Variants in LRRC4C observed in about 807,000 individuals in gnomAD.
The protein encoded by LRRC4C is leucine-rich repeat-containing protein 4C.
LRRC4C carries 5 observed loss-of-function variants against 33.6 expected under a neutral mutation model. That is an observed-to-expected ratio of 0.15 (90% CI 0.08 to 0.31). The LOEUF (loss-of-function observed/expected upper bound fraction) is 0.31. Among genes scored for constraint, LRRC4C ranks in the 10% least tolerant of loss-of-function variants. LRRC4C has a pLI of 1.00. For missense variants in LRRC4C, 560 were observed against 796.7 expected (o/e 0.70, Z 3.58); for synonymous variants, 329 against 302.0 (o/e 1.09, Z -0.93).
At chr11:41,424,713 G>A (rs1009298544) in intron 1 of LRRC4C, among the ~76,000 whole-genome samples, 7 of 152,174 alleles carry the variant, frequency 4.6e-5, no homozygotes, top group Admixed American at 1.3e-4. Context: ...GGTTAATCAG[G>A]TAGTAATATA....
chr11:40,159,665 A>C (rs1858995599), intron 5 of LRRC4C, among the ~76,000 whole-genome samples: 1 of 152,170 alleles, frequency 6.6e-6, no homozygotes, highest in Admixed American at 6.6e-5. Context: ...AATCATTCTA[A>C]ATTAATTTGA....
intron 1 of LRRC4C, among the ~76,000 whole-genome samples, chr11:41,055,021 G>A (rs529653921): frequency 8.6e-4 from 131 of 152,246 alleles, no homozygotes; most frequent in East Asian, 7.7e-3. Flanking sequence ...GAACACTTCC[G>A]TGTAACTGCC....
chr11:40,480,783 A>G (rs889964447), intron 3 of LRRC4C, among the ~76,000 whole-genome samples: 3 of 152,114 alleles, frequency 2.0e-5, no homozygotes, highest in Non-Finnish European at 4.4e-5. Context: ...ATTTAAAACA[A>G]CATGGATGGA....
intron 2 of LRRC4C, among the ~76,000 whole-genome samples, chr11:40,886,279 C>T (rs985737443): frequency 2.0e-5 from 3 of 151,762 alleles, no homozygotes; most frequent in Admixed American, 6.6e-5. Context: ...TAGAAAAACC[C>T]AGTTAAGTAG....
At chr11:40,440,780 G>T in intron 3 of LRRC4C, among the ~76,000 whole-genome samples, 1 of 151,886 alleles carries the variant, frequency 6.6e-6, no homozygotes, top group East Asian at 1.9e-4. Flanking sequence ...CCTGTACAAC[G>T]CAGCCAACAG....
chr11:40,492,769 C>G (rs1241803486), intron 3 of LRRC4C, among the ~76,000 whole-genome samples: 1 of 152,036 alleles, frequency 6.6e-6, no homozygotes, highest in Non-Finnish European at 1.5e-5. Flanking sequence ...TTACCTATGC[C>G]TCACCTGCAA....
At chr11:40,713,791 C>G (rs1946580580) in intron 2 of LRRC4C, among the ~76,000 whole-genome samples, 1 of 152,066 alleles carries the variant, frequency 6.6e-6, no homozygotes, top group Non-Finnish European at 1.5e-5. Context: ...TATAGAATTA[C>G]TGTAATTTAT....
chr11:40,453,915 A>T (rs1192223370), intron 3 of LRRC4C, among the ~76,000 whole-genome samples: 40 of 152,216 alleles, frequency 2.6e-4, no homozygotes, highest in Admixed American at 2.6e-3. Flanking sequence ...CCATTGAGTT[A>T]CACATTTTAA....
At chr11:41,087,275 G>T (rs1270364128) in intron 1 of LRRC4C, among the ~76,000 whole-genome samples, 1 of 151,948 alleles carries the variant, frequency 6.6e-6, no homozygotes, top group Non-Finnish European at 1.5e-5. Context: ...GAACATCTGG[G>T]CTAGCTCAAT....
chr11:40,249,623 C>T (rs1866619171), intron 4 of LRRC4C, among the ~76,000 whole-genome samples: 1 of 151,002 alleles, frequency 6.6e-6, no homozygotes, highest in Non-Finnish European at 1.5e-5. Context: ...TGCGTATACA[C>T]ATGCCCACAC....
At chr11:40,915,826 C>T (rs1347276828) in intron 2 of LRRC4C, among the ~76,000 whole-genome samples, 1 of 151,954 alleles carries the variant, frequency 6.6e-6, no homozygotes, top group African/African-American at 2.4e-5. Flanking sequence ...CCAGAATCTA[C>T]AATGAACTCA....
intron 1 of LRRC4C, among the ~76,000 whole-genome samples, chr11:41,361,653 A>G (rs1294881321): frequency 6.6e-6 from 1 of 152,242 alleles, no homozygotes; most frequent in Non-Finnish European, 1.5e-5. Flanking sequence ...ATGCATAGCT[A>G]AAATATATGG....
chr11:41,216,111 G>A (rs1471097883), intron 1 of LRRC4C, among the ~76,000 whole-genome samples: 1 of 152,196 alleles, frequency 6.6e-6, no homozygotes, highest in Non-Finnish European at 1.5e-5. Context: ...AAATGTCTGA[G>A]CTATGACATT....
intron 2 of LRRC4C, among the ~76,000 whole-genome samples, chr11:40,705,464 T>C (rs540650155): frequency 2.0e-5 from 3 of 152,056 alleles, no homozygotes; most frequent in South Asian, 2.1e-4. Context: ...GTGTTTGGTT[T>C]TCTGTCCTTG....
intron 5 of LRRC4C, among the ~76,000 whole-genome samples, chr11:40,208,432 C>A (rs1255516318): frequency 6.6e-6 from 1 of 152,098 alleles, no homozygotes; most frequent in Non-Finnish European, 1.5e-5. Flanking sequence ...AACTGAATAT[C>A]CTGGATTGGT....
At chr11:41,157,616 T>C (rs1216879335) in intron 1 of LRRC4C, among the ~76,000 whole-genome samples, 2 of 152,152 alleles carry the variant, frequency 1.3e-5, no homozygotes, top group African/African-American at 4.8e-5. Flanking sequence ...AATTTCTGTT[T>C]ATCACATCAG....
intron 1 of LRRC4C, among the ~76,000 whole-genome samples, chr11:40,987,365 T>G (rs1234888076): frequency 2.0e-5 from 3 of 152,112 alleles, no homozygotes; most frequent in African/African-American, 7.2e-5. Flanking sequence ...AACTGAGAGT[T>G]TAATAACTTG....
At chr11:40,352,732 A>T (rs1192975309) in intron 3 of LRRC4C, among the ~76,000 whole-genome samples, 2 of 152,080 alleles carry the variant, frequency 1.3e-5, no homozygotes, top group Non-Finnish European at 2.9e-5. Context: ...TTCAGATTGG[A>T]GAACTCCCTT....
chr11:41,370,833 G>A lies in LRRC4C; in HGVS notation c.-496+88598C>T, dbSNP rs140407608. Among the ~76,000 whole-genome samples, 488 of 152,166 alleles carry A rather than the reference G, an allele frequency of 3.2e-3. 3 individuals are homozygous for A. Among genetic ancestry groups the A allele is most frequent in the African/African-American group, 0.011 (450 of 41,496 alleles). ...TAGGATTATAGGCATGAGCTACCAC[G>A]CTTGGCCCACGTTATTTAAATGAAA... On this transcript the variant is annotated intron_variant, in intron 1 of 6. Coordinates refer to ENST00000528697, the MANE Select transcript of LRRC4C (RefSeq NM_001258419.2).
Sources: gnomAD v4.1 joint callset for allele counts (sites outside exome capture counted in the v4.1 genomes callset) on GRCh38, gnomAD v4.1.1 for gene constraint, MANE v1.5 for transcripts, NCBI Gene and HGNC (gene_info 2026-07-23, HGNC 2026-07-21) for gene names.